SETBP1: variants seen among roughly 807,000 people sequenced by gnomAD.
SETBP1 encodes SET binding protein 1.
SETBP1 carries 9 observed loss-of-function variants against 101.0 expected under a neutral mutation model. The ratio of observed to expected loss-of-function variants is 0.09; its 90% confidence interval spans 0.05 to 0.16. The LOEUF (loss-of-function observed/expected upper bound fraction) is 0.16, where lower values mean the gene tolerates loss of function less well. Among genes scored for constraint, SETBP1 ranks in the 10% least tolerant of loss-of-function variants. SETBP1 has a pLI of 1.00. For synonymous variants in SETBP1, 818 were observed against 788.5 expected, an observed-to-expected ratio of 1.04 and a Z score of -0.63; for missense variants, 1,858 against 2,033.8, an observed-to-expected ratio of 0.91 and a Z score of 1.66.
At chr18:44,923,690 T>C (rs2070632830) in intron 3 of SETBP1, among the ~76,000 whole-genome samples, 1 of 152,220 alleles carries the variant, frequency 6.6e-6, no homozygotes, top group Non-Finnish European at 1.5e-5. Flanking sequence ...TAAACAGTTA[T>C]CTTGATACAC....
chr18:44,886,178 G>A (rs2069643596), intron 3 of SETBP1, among the ~76,000 whole-genome samples: 2 of 152,176 alleles, frequency 1.3e-5, no homozygotes, highest in Non-Finnish European at 2.9e-5. Context: ...TGTGGCCAGT[G>A]TGTCTTTGCT....
intron 3 of SETBP1, among the ~76,000 whole-genome samples, chr18:44,893,753 T>C (rs1192987233): frequency 3.3e-5 from 5 of 151,924 alleles, no homozygotes; most frequent in African/African-American, 4.8e-5. Context: ...TCAAAAGACA[T>C]CATACAGAGT....
At chr18:44,848,428 T>C (rs761647762) in intron 2 of SETBP1, among the ~76,000 whole-genome samples, 2 of 152,204 alleles carry the variant, frequency 1.3e-5, no homozygotes, top group African/African-American at 2.4e-5. Context: ...AGAAAAGCTG[T>C]CTTTGCTCAT....
intron 2 of SETBP1, among the ~76,000 whole-genome samples, chr18:44,799,870 T>C (rs2071565873): frequency 1.3e-5 from 2 of 152,076 alleles, no homozygotes; most frequent in Admixed American, 1.3e-4. Context: ...TAAAGGAACC[T>C]GAATGTGTAG....
chr18:44,689,350 A>G lies in SETBP1; in HGVS notation c.-173+8329A>G, dbSNP rs376543481. On this transcript the variant is annotated intron_variant, in intron 1 of 5. Coordinates refer to ENST00000649279, the MANE Select transcript of SETBP1 (RefSeq NM_015559.3). ...ATTGAGGGGCAGACACCCCCATAGC[A>G]GACACCTTTGTGGTCCGAGGTCTTC... Among the ~76,000 whole-genome samples the G allele has an allele frequency of 4.6e-5, 7 of 152,336 alleles. No individual in the cohort carries two copies. In the South Asian group the frequency reaches 1.5e-3, roughly 32 times the overall value.
chr18:44,763,897 G>T (rs907590109), intron 2 of SETBP1, among the ~76,000 whole-genome samples: 1 of 152,136 alleles, frequency 6.6e-6, no homozygotes, highest in Admixed American at 6.5e-5. Context: ...GTGCCTCAGG[G>T]CTCAGTTCTC....
intron 2 of SETBP1, among the ~76,000 whole-genome samples, chr18:44,803,870 A>C (rs984301543): frequency 1.3e-5 from 2 of 152,092 alleles, no homozygotes; most frequent in Admixed American, 6.5e-5. Context: ...TCAGATTTAG[A>C]CAATTGAATA....
intron 2 of SETBP1, among the ~76,000 whole-genome samples, chr18:44,714,586 A>G (rs1436527630): frequency 6.6e-6 from 1 of 151,272 alleles, no homozygotes; most frequent in African/African-American, 2.4e-5. Flanking sequence ...AAACATCTGA[A>G]ATCTTGTGTC....
intron 4 of SETBP1, chr18:44,986,819 A>G (rs1027221218): frequency 6.6e-6 from 1 of 152,090 alleles, no homozygotes; most frequent in Admixed American, 6.6e-5. Flanking sequence ...TTATTCTGGA[A>G]TGCCTCCTAA....
intron 4 of SETBP1, among the ~76,000 whole-genome samples, chr18:45,014,432 T>TG (rs1277186753): frequency 6.6e-6 from 1 of 152,228 alleles, no homozygotes; most frequent in Non-Finnish European, 1.5e-5. Context: ...ATCCTCCTGC[T>TG]GTTGGATCAG....
At chr18:44,734,585 C>T (rs780883377) in intron 2 of SETBP1, among the ~76,000 whole-genome samples, 5 of 152,170 alleles carry the variant, frequency 3.3e-5, no homozygotes, top group Non-Finnish European at 5.9e-5. Context: ...CACTTCCATA[C>T]TTCTGTTTAC....
intron 3 of SETBP1, among the ~76,000 whole-genome samples, chr18:44,873,485 A>G (rs1226065429): frequency 1.3e-5 from 2 of 152,148 alleles, no homozygotes; most frequent in Non-Finnish European, 2.9e-5. Flanking sequence ...AAGAAATTAT[A>G]TGTCTATGGA....
chr18:44,686,229 A>G (rs545896480), intron 1 of SETBP1, among the ~76,000 whole-genome samples: 7 of 152,168 alleles, frequency 4.6e-5, no homozygotes, highest in Non-Finnish European at 8.8e-5. Context: ...ACCCTTTCTC[A>G]TGAGAGCTGG....
At chr18:44,868,697 AGG>A (rs1325183037) in intron 2 of SETBP1, among the ~76,000 whole-genome samples, 5 of 75,000 alleles carry the variant, frequency 6.7e-5, no homozygotes, top group African/African-American at 2.8e-4. Flanking sequence ...AGAGAGAGAG[AGG>A]ACGGAAGGAA....
intron 4 of SETBP1, among the ~76,000 whole-genome samples, chr18:45,001,074 A>T (rs898664435): frequency 6.6e-6 from 1 of 151,902 alleles, no homozygotes; most frequent in African/African-American, 2.4e-5. Context: ...TCATTCATTC[A>T]TTCTCCATTT....
intron 2 of SETBP1, among the ~76,000 whole-genome samples, chr18:44,721,753 C>A (rs939296736): frequency 2.0e-5 from 3 of 152,110 alleles, no homozygotes; most frequent in Admixed American, 6.6e-5. Context: ...TGAAAAGGAA[C>A]AAGAATGCAT....
intron 3 of SETBP1, among the ~76,000 whole-genome samples, chr18:44,901,188 T>A (rs1300806781): frequency 1.3e-5 from 2 of 152,176 alleles, no homozygotes; most frequent in African/African-American, 4.8e-5. Context: ...GTTCTCTTCT[T>A]TCTACCCTAC....
chr18:45,044,425 C>T (rs1165388523), intron 5 of SETBP1, among the ~76,000 whole-genome samples: 2 of 152,180 alleles, frequency 1.3e-5, no homozygotes, highest in Admixed American at 6.5e-5. Flanking sequence ...GAAAGGCACT[C>T]CCTCCCGCAG....
chr18:44,749,883 A>G (rs2070343096), intron 2 of SETBP1, among the ~76,000 whole-genome samples: 1 of 151,244 alleles, frequency 6.6e-6, no homozygotes, highest in Non-Finnish European at 1.5e-5. Context: ...ATGCCAATGC[A>G]TGGTGAAGCA....
Sources: gnomAD v4.1 joint callset for allele counts (sites outside exome capture counted in the v4.1 genomes callset) on GRCh38, gnomAD v4.1.1 for gene constraint, MANE v1.5 for transcripts, NCBI Gene and HGNC (gene_info 2026-07-23, HGNC 2026-07-21) for gene names.